Variants in KMT2E observed in about 807,000 individuals in gnomAD.
KMT2E encodes histone reader KMT2E.
KMT2E carries 30 observed loss-of-function variants against 184.6 expected under a neutral mutation model. That is an observed-to-expected ratio of 0.16 (90% CI 0.12 to 0.22). KMT2E has a LOEUF of 0.22. Ranked by LOEUF, KMT2E falls within the 10% of genes least tolerant of loss-of-function variation. The probability of loss-of-function intolerance (pLI) is 1.00; values close to 1 mark genes in which losing one functional copy is unlikely to be tolerated. For missense variants in KMT2E, 2,023 were observed against 2,237.4 expected (o/e 0.90, Z 1.93); for synonymous variants, 815 against 776.5 (o/e 1.05, Z -0.82).
At chr7:105,019,577 T>C (rs1308049718) in intron 1 of KMT2E, among the ~76,000 whole-genome samples, 1 of 152,224 alleles carries the variant, frequency 6.6e-6, no homozygotes, top group Admixed American at 6.5e-5. Flanking sequence ...ATGTGTAAAC[T>C]ACTTGTTCAT....
chr7:105,111,591 T>G (rs1299402774), intron 26 of KMT2E, among the ~76,000 whole-genome samples: 1 of 152,112 alleles, frequency 6.6e-6, no homozygotes, highest in African/African-American at 2.4e-5. Flanking sequence ...TCAACTTGTC[T>G]TCAATAAAAA....
chr7:105,094,716 C>T (rs1798334539), intron 15 of KMT2E, among the ~76,000 whole-genome samples: 1 of 152,184 alleles, frequency 6.6e-6, no homozygotes, highest in Admixed American at 6.5e-5. Flanking sequence ...TGCAAGTTTG[C>T]TTTCCCAGGT....
At chr7:105,086,253 C>T (rs574289903) in intron 13 of KMT2E, among the ~76,000 whole-genome samples, 2 of 152,214 alleles carry the variant, frequency 1.3e-5, no homozygotes, top group Admixed American at 6.5e-5. Flanking sequence ...CATGTCCTCT[C>T]CATGGTAGGA....
rs1799379098 is a variant in KMT2E, at chr7:105,112,813, C to G, written c.5057C>G (p.Pro1686Arg). The G allele has an allele frequency of 6.7e-7, 1 of 1,497,720 alleles. No homozygotes were observed. Among genetic ancestry groups the G allele is most frequent in the Non-Finnish European group, 9.0e-7 (1 of 1,106,418 alleles). 92.8% of individuals were successfully genotyped at this position (1,497,720 alleles called of 1,614,324 possible). ...CCCCCACCCCCACCCCCTCCTGGTC[C>G]TGCCCCTCATCACCATCCACCACCC... The part of the protein sequence containing the change: ...HLPPPPPPPG[P>R]APHHHPPPHP... The change falls in exon 27 of 27, where the codon CCT becomes CGT. Residue 1686 changes from proline to arginine, a missense_variant. This residue lies in a region of KMT2E where 1,108 missense variants were observed against 1,050.9 expected (regional missense o/e 1.05). Coordinates refer to ENST00000311117, the MANE Select transcript of KMT2E (RefSeq NM_182931.3).
Position 105,090,177 on chromosome 7 carries a change from T to C in KMT2E, c.1527T>C (p.Ile509=). ...AAAAAGATACACAAAATCAGAATATTACTTTGGATTGTGAAGGAACGACCA... is the reference window on the plus strand; with the variant it reads ...AAAAAGATACACAAAATCAGAATATCACTTTGGATTGTGAAGGAACGACCA... The part of the protein sequence containing the change: ...SKEKDTQNQN[I]TLDCEGTTNK... The change falls in exon 14 of 27, where the codon ATT becomes ATC. Residue 509 remains isoleucine, a synonymous_variant. Transcript: ENST00000311117. The C allele has an allele frequency of 1.9e-6, 3 of 1,612,556 alleles. No individual in the cohort carries two copies. In the South Asian group the frequency reaches 3.3e-5, roughly 18 times the overall value.
In KMT2E at chr7:105,113,171, A is replaced by C. The variant is rs1227942152; in HGVS notation, c.5415A>C (p.Thr1805=). Residue 1805 remains threonine (T), a synonymous_variant, in exon 27 of 27, where the codon ACA becomes ACC. Transcript: ENST00000311117. ...CCCAAGGACCAAACAGTATTCCAACACCTACTGCTTCAGGGTTCTGTCCTC... is the reference window on the plus strand; with the variant it reads ...CCCAAGGACCAAACAGTATTCCAACCCCTACTGCTTCAGGGTTCTGTCCTC... ...LQPQGPNSIP[T]PTASGFCPHP... is the part of the protein sequence containing the mutation. The C allele has an allele frequency of 1.9e-6, 3 of 1,613,938 alleles. No individual in the cohort carries two copies. The highest frequency in any genetic ancestry group is 3.3e-5 in the Admixed American group (2 of 59,994).
At chr7:105,035,205 T>A (rs1795592955) in intron 1 of KMT2E, among the ~76,000 whole-genome samples, 1 of 151,310 alleles carries the variant, frequency 6.6e-6, no homozygotes, top group South Asian at 2.1e-4. Flanking sequence ...TTTTTTTTTT[T>A]GTATTTTTAG....
intron 26 of KMT2E, 124 bp from the exon 27 acceptor site, chr7:105,111,701 C>G: frequency 8.8e-7 from 1 of 1,139,648 alleles, no homozygotes; most frequent in Non-Finnish European, 1.2e-6. Flanking sequence ...ATTGACGTAT[C>G]CAGGATGTTA....
At chr7:105,020,020 A>G (rs1215027955) in intron 1 of KMT2E, among the ~76,000 whole-genome samples, 1 of 151,466 alleles carries the variant, frequency 6.6e-6, no homozygotes. Flanking sequence ...AGGCAGGAGA[A>G]TTGCTTGAAC....
At chr7:105,052,259 G>T (rs1374887607) in intron 3 of KMT2E, among the ~76,000 whole-genome samples, 1 of 152,002 alleles carries the variant, frequency 6.6e-6, no homozygotes, top group Non-Finnish European at 1.5e-5. Flanking sequence ...CTTTGTACTC[G>T]TGATTTCCTC....
At chr7:105,062,087 C>CT in intron 3 of KMT2E, 77 bp from the exon 4 acceptor site, 1 of 939,530 alleles carries the variant, frequency 1.1e-6, no homozygotes, top group Non-Finnish European at 1.7e-6. Flanking sequence ...GCTGTAAGTA[C>CT]TTTATCATTT....
intron 1 of KMT2E, among the ~76,000 whole-genome samples, chr7:105,019,872 C>T (rs570570402): frequency 2.0e-3 from 310 of 151,898 alleles, no homozygotes; most frequent in Middle Eastern, 6.9e-3. Context: ...TTTGGGAGGC[C>T]GAGGCAGGCG....
rs138121822 is a variant in KMT2E, at chr7:105,046,008, A to G, written c.71+4985A>G. Among the ~76,000 whole-genome samples, 996 of 152,126 alleles carry G rather than the reference A, an allele frequency of 6.5e-3. 7 individuals are homozygous for G. Among genetic ancestry groups the G allele is most frequent in the Non-Finnish European group, 0.011 (720 of 67,998 alleles). ...TGTCCTGGAGATGTCATCTACTTCTATAGCTTTCACTGTTTTTGCATGCTC... is the reference window on the plus strand; with the variant it reads ...TGTCCTGGAGATGTCATCTACTTCTGTAGCTTTCACTGTTTTTGCATGCTC... On this transcript the variant is annotated intron_variant, in intron 3 of 26. Coordinates refer to ENST00000311117, the MANE Select transcript of KMT2E (RefSeq NM_182931.3).
At chr7:105,083,027 T>C (rs1797819139) in intron 13 of KMT2E, among the ~76,000 whole-genome samples, 1 of 152,236 alleles carries the variant, frequency 6.6e-6, no homozygotes, top group Non-Finnish European at 1.5e-5. Context: ...TCCATATCTG[T>C]ATTCTTCCTT....
intron 3 of KMT2E, among the ~76,000 whole-genome samples, chr7:105,045,023 C>T: frequency 6.6e-6 from 1 of 152,194 alleles, no homozygotes; most frequent in East Asian, 1.9e-4. Flanking sequence ...TAAGTCTTGA[C>T]CCTTTGTCAA....
At chr7:105,104,477 C>T (rs1394980271) in intron 17 of KMT2E, 1 of 152,186 alleles carries the variant, frequency 6.6e-6, no homozygotes, top group African/African-American at 2.4e-5. Context: ...CACTTGAGCC[C>T]AGGAGTTCAA....
chr7:105,083,247 T>C (rs538081818), intron 13 of KMT2E, among the ~76,000 whole-genome samples: 2 of 152,348 alleles, frequency 1.3e-5, no homozygotes, highest in African/African-American at 4.8e-5. Flanking sequence ...GATCTTCTCT[T>C]TCAGGGTTCT....
At chr7:105,019,859 T>G (rs1794874374) in intron 1 of KMT2E, among the ~76,000 whole-genome samples, 1 of 152,044 alleles carries the variant, frequency 6.6e-6, no homozygotes, top group Non-Finnish European at 1.5e-5. Context: ...GTAATTTCAC[T>G]ACTTTGGGAG....
intron 1 of KMT2E, among the ~76,000 whole-genome samples, chr7:105,019,422 AT>A (rs1794853775): frequency 6.6e-6 from 1 of 152,118 alleles, no homozygotes; most frequent in South Asian, 2.1e-4. Flanking sequence ...TCGTTTGGTT[AT>A]TTACCAAAAC....
Sources: allele counts gnomAD v4.1 joint callset (sites outside exome capture counted in the v4.1 genomes callset), GRCh38; gene constraint gnomAD v4.1.1; regional missense constraint gnomAD v4.1.1; transcripts MANE v1.5; gene names NCBI Gene and HGNC (gene_info 2026-07-23, HGNC 2026-07-21).